ACADVL: variants seen among roughly 807,000 people sequenced by gnomAD.
The protein encoded by ACADVL is acyl-CoA dehydrogenase very long chain, also known as very long-chain acyl-CoA dehydrogenase, mitochondrial.
Under a neutral mutation model 80.4 loss-of-function variants are expected in ACADVL, and 73 were observed. The ratio of observed to expected loss-of-function variants is 0.91; its 90% confidence interval spans 0.75 to 1.10. The LOEUF is 1.10. ACADVL is among the 50% of genes least tolerant of loss of function. ACADVL has a pLI of 0.00. For missense variants in ACADVL, 878 were observed against 858.9 expected, an observed-to-expected ratio of 1.02 and a Z score of -0.28; for synonymous variants, 392 against 326.5, an observed-to-expected ratio of 1.20 and a Z score of -2.16.
chr17:7,222,324 G>A (rs777119175), intron 9 of ACADVL, 22 bp downstream of exon 9: 6 of 1,612,860 alleles, frequency 3.7e-6, no homozygotes, highest in Non-Finnish European at 5.1e-6. Flanking sequence ...TGGGTTGGGG[G>A]AGCTTAGGAC....
chr17:7,218,388 G>C, upstream of ACADVL: 1 of 1,422,082 alleles, frequency 7.0e-7, no homozygotes, highest in Non-Finnish European at 9.7e-7. Context: ...AGCCCTTTCA[G>C]CCAAGGCTGG....
At chr17:7,224,591 C>T in intron 17 of ACADVL, 39 bp downstream of exon 17, 13 of 1,599,496 alleles carry the variant, frequency 8.1e-6, no homozygotes, top group Non-Finnish European at 1.0e-5. Context: ...TCCCTTTCCT[C>T]TCCTTGAGAC....
chr17:7,219,014 A>T, upstream of ACADVL: 1 of 719,544 alleles, frequency 1.4e-6, no homozygotes, highest in Non-Finnish European at 2.4e-6. Context: ...CTTGCTCCAC[A>T]CACCCTGGCC....
At position 7,221,151 on chromosome 17, in the gene ACADVL, T is replaced by C. The variant is rs941508608; in HGVS notation, c.477+93T>C. The C allele has an allele frequency of 3.8e-6, 6 of 1,596,208 alleles. No individual in the cohort carries two copies. The Admixed American group carries it at 1.0e-4, about 27-fold the overall frequency. ...ATAGACCTAGAGACTAGGGCTAAGG[T>C]CTCTTCTAAGCACCTGCCCTGGGTG... is the stretch of plus-strand genomic sequence containing the variant. On this transcript the variant is annotated intron_variant, in intron 6 of 19. Coordinates refer to ENST00000356839, the MANE Select transcript of ACADVL (RefSeq NM_000018.4).
upstream of ACADVL, chr17:7,218,745 G>A (rs987927514): frequency 1.9e-5 from 30 of 1,583,496 alleles, no homozygotes; most frequent in African/African-American, 2.0e-4. Flanking sequence ...CAGCCCCTAC[G>A]GAAAGATTTG....
chr17:7,217,899 C>CCT (rs1310028070), upstream of ACADVL: 3 of 1,369,034 alleles, frequency 2.2e-6, no homozygotes, highest in South Asian at 2.5e-5. Context: ...GGGAGGGAGG[C>CCT]CTCTCGGCAG....
chr17:7,220,270 C>T, intron 2 of ACADVL, 73 bp downstream of exon 2: 1 of 1,505,222 alleles, frequency 6.6e-7, no homozygotes, highest in Admixed American at 2.0e-5. Context: ...CGGCAGGGAT[C>T]TCCCTCTTGG....
In ACADVL at chr17:7,222,686, A is replaced by G. The variant is rs1026112888; in HGVS notation, c.898A>G (p.Met300Val). The change falls in exon 10 of 20, where the codon ATG (methionine) becomes GTG (valine). Residue 300 changes from methionine (M) to valine (V), a missense_variant. Physicochemically the swap from Met to Val is conservative, Grantham distance 21 (BLOSUM62 1). Transcript: ENST00000356839. ...GITHGPPEKK[M>V]GIKASNTAEV... ...ACACAGTGGGCCCCCTGAGAAGAAG[A>G]TGGGCATCAAGGCTTCAAACACAGC... 1 of 1,613,976 alleles carries G rather than the reference A, an allele frequency of 6.2e-7. No homozygotes were observed. The highest frequency in any genetic ancestry group is 8.5e-7 in the Non-Finnish European group (1 of 1,179,958).
intron 9 of ACADVL, 57 bp from the exon 10 acceptor site, chr17:7,222,610 T>TCC: frequency 1.3e-6 from 2 of 1,520,106 alleles, no homozygotes; most frequent in Non-Finnish European, 1.8e-6. Flanking sequence ...GAGCAGTTTT[T>TCC]CCCCCAGTGA....
At chr17:7,218,869 A>G, upstream of ACADVL, 1 of 1,613,060 alleles carries the variant, frequency 6.2e-7, no homozygotes, top group Non-Finnish European at 8.5e-7. Flanking sequence ...CTCTCACTTT[A>G]ATCTCCCTAA....
Position 7,225,220 on chromosome 17 carries a change from CAA to C in ACADVL, c.*124_*125del. On this transcript the variant is annotated 3_prime_UTR_variant, in exon 20 of 20. Coordinates refer to ENST00000356839, the MANE Select transcript of ACADVL (RefSeq NM_000018.4). ...GTGTTCCCAGCACTGTGCCTGCTCTCAAGAGCACTTACTGCCTCGCAAATAAT... is the reference window on the plus strand; with the variant it reads ...GTGTTCCCAGCACTGTGCCTGCTCTCGAGCACTTACTGCCTCGCAAATAAT... 1 of 1,336,490 alleles carries C rather than the reference CAA, an allele frequency of 7.5e-7. No individual in the cohort carries two copies. Among genetic ancestry groups the C allele is most frequent in the Non-Finnish European group, 1.1e-6 (1 of 947,238 alleles). The allele number at this position is 1,336,490 out of a possible 1,614,324, so 82.8% of individuals were successfully genotyped here.
At chr17:7,220,339 G>A (rs2071134942) in intron 2 of ACADVL, 125 bp from the exon 3 acceptor site, 2 of 1,542,248 alleles carry the variant, frequency 1.3e-6, no homozygotes, top group Admixed American at 1.8e-5. Flanking sequence ...AAGCCAGGGT[G>A]CCCTAGGGCG....
chr17:7,217,320 G>A (rs1344866297), upstream of ACADVL: 4 of 941,242 alleles, frequency 4.2e-6, no homozygotes, highest in Non-Finnish European at 5.6e-6. Flanking sequence ...GGAAGGGGAG[G>A]GGAGCGTGGG....
At chr17:7,223,053 C>A (rs956162779) in intron 10 of ACADVL, 80 bp from the exon 11 acceptor site, 3 of 1,503,990 alleles carry the variant, frequency 2.0e-6, no homozygotes, top group Non-Finnish European at 2.8e-6. Context: ...ACCCATCCCT[C>A]TGGCGCAAGC....
At chr17:7,223,458 A>G (rs2071330119) in intron 11 of ACADVL, 186 bp from the exon 12 acceptor site, 1 of 813,722 alleles carries the variant, frequency 1.2e-6, no homozygotes, top group Non-Finnish European at 2.1e-6. Context: ...ATTCTACCTC[A>G]TCCCTTACAT....
At chr17:7,217,673 G>A (rs1185591721), upstream of ACADVL, 4 of 1,355,624 alleles carry the variant, frequency 3.0e-6, no homozygotes, top group Non-Finnish European at 4.0e-6. Context: ...GAGCCAGAAT[G>A]GGGGGGGTGC....
chr17:7,222,836 G>C lies in ACADVL; in HGVS notation c.1048G>C (p.Gly350Arg). ...GTTTGGCATGGCTGCGGCCCTGGCA[G>C]GTACCATGAGAGGCATCATTGCTAA... is the stretch of plus-strand genomic sequence containing the variant. ...GRFGMAAALA[G>R]TMRGIIAKAV... Residue 350 changes from glycine to arginine, a missense_variant, in exon 10 of 20, where the codon GGT (glycine) becomes CGT (arginine). Gly to Arg is a moderately radical substitution (Grantham distance 125). Transcript: ENST00000356839. 1 of 1,613,004 alleles carries C rather than the reference G, an allele frequency of 6.2e-7. No homozygotes were observed. The highest frequency in any genetic ancestry group is 8.5e-7 in the Non-Finnish European group (1 of 1,180,002).
At chr17:7,220,434 C>T in intron 2 of ACADVL, 30 bp from the exon 3 acceptor site, 1 of 1,613,934 alleles carries the variant, frequency 6.2e-7, no homozygotes, top group Non-Finnish European at 8.5e-7. Context: ...AAGTCCCTTC[C>T]CTGAACTTGC....
chr17:7,218,909 C>T, upstream of ACADVL: 2 of 1,583,474 alleles, frequency 1.3e-6, no homozygotes, highest in Non-Finnish European at 8.7e-7. Context: ...AGCTGCTTCT[C>T]CCCACTAAAT....
Sources: gnomAD v4.1 joint callset for allele counts on GRCh38, gnomAD v4.1.1 for gene constraint, MANE v1.5 for transcripts, NCBI Gene and HGNC (gene_info 2026-07-23, HGNC 2026-07-21) for gene names.